Variants in ARMC5 observed in about 807,000 individuals in gnomAD.
ARMC5 encodes the protein armadillo repeat-containing protein 5.
Under a neutral mutation model 60.5 loss-of-function variants are expected in ARMC5, and 28 were observed. The ratio of observed to expected loss-of-function variants is 0.46; its 90% CI spans 0.34 to 0.63. The LOEUF (loss-of-function observed/expected upper bound fraction) is 0.63. ARMC5 is among the 30% of genes least tolerant of loss of function. The pLI is 0.01. For synonymous variants in ARMC5, 680 were observed against 607.3 expected (o/e 1.12, Z -1.76); for missense variants, 1,189 against 1,304.9 (o/e 0.91, Z 1.37).
intron 4 of ARMC5, chr16:31,465,606 C>T (rs2082349513): frequency 1.5e-5 from 21 of 1,394,584 alleles, no homozygotes; most frequent in East Asian, 2.7e-5. Context: ...TCTCTTGCCT[C>T]GGCGCCTGGG....
At position 31,462,463 on chromosome 16, in the gene ARMC5, G is replaced by A. The variant is rs747989024; in HGVS notation, c.916G>A (p.Ala306Thr). 119 of 1,612,234 alleles carry A rather than the reference G, an allele frequency of 7.4e-5. 1 individual carries two copies. Among genetic ancestry groups the A allele is most frequent in the Admixed American group, 1.3e-4 (8 of 59,994 alleles). ...ACGCGAGGGAACCATTCTGATCCTC[G>A]CCAACCTGTGTGCCCAGGGCCTGAT... is the stretch of plus-strand genomic sequence containing the variant. ...AVREGTILIL[A>T]NLCAQGLIRP... Residue 306 changes from alanine to threonine, a missense_variant, in exon 3 of 6, where the codon GCC becomes ACC. Physicochemically the swap from Ala to Thr is moderately conservative, Grantham distance 58. Coordinates refer to ENST00000268314, the MANE Select transcript of ARMC5 (RefSeq NM_001105247.2). This position sits in a 1 kb window ranked among gnomAD's most constrained non-coding sequence, Gnocchi z 7.2.
Position 31,459,566 on chromosome 16 carries a change from C to G in ARMC5, c.42C>G (p.Phe14Leu). 6.2e-7 allele frequency: 1 copy of G among 1,605,592 alleles called. No homozygotes were observed. Among genetic ancestry groups the G allele is most frequent in the Non-Finnish European group, 8.5e-7 (1 of 1,179,392 alleles). ...AKPTLTDSLSFCLAQLAAAAG... is the reference protein window; with the variant it reads ...AKPTLTDSLSLCLAQLAAAAG... The stretch of plus-strand genomic sequence containing the variant: ...CAACCCTCACGGACTCGCTCTCGTT[C>G]TGCCTCGCGCAGCTCGCGGCGGCGG... Residue 14 changes from phenylalanine (F) to leucine (L), a missense_variant, in exon 1 of 6, where the codon TTC (phenylalanine) becomes TTG (leucine). This residue lies in a region of ARMC5 where 327 missense variants were observed against 233.7 expected (regional missense o/e 1.40). Transcript: ENST00000268314.
Position 31,464,324 on chromosome 16 carries a change from C to CA in ARMC5, c.1371-69dup. 2.4e-6 allele frequency: 2 copies of CA among 836,344 alleles called. No homozygotes were observed. Among genetic ancestry groups the CA allele is most frequent in the Non-Finnish European group, 3.5e-6 (2 of 569,202 alleles). 51.8% of individuals were successfully genotyped at this position (836,344 alleles called of 1,614,324 possible). On this transcript the variant is annotated intron_variant, in intron 3 of 5. Transcript: ENST00000268314. The surrounding 1 kb of genome is among the most constrained non-coding windows in gnomAD (Gnocchi z 7.6). ...AAAAAAAAAAAAAAAAAAGACGCCT[C>CA]ACGCCTCTTGGACTCTGCCCCTTAA...
In ARMC5 at chr16:31,462,472, T is replaced by C; in HGVS notation, c.925T>C (p.Cys309Arg). 6.2e-7 allele frequency: 1 copy of C among 1,612,498 alleles called. No individual in the cohort carries two copies. Among genetic ancestry groups the C allele is most frequent in the Non-Finnish European group, 8.5e-7 (1 of 1,179,700 alleles). Residue 309 changes from cysteine to arginine, a missense_variant, in exon 3 of 6, where the codon TGT (cysteine) becomes CGT (arginine). By Grantham distance (180) the Cys-to-Arg change is radical (BLOSUM62 -3). Transcript: ENST00000268314. The surrounding 1 kb of genome is among the most constrained non-coding windows in gnomAD (Gnocchi z 7.2). ...EGTILILANLCAQGLIRPALG... is the reference protein window; with the variant it reads ...EGTILILANLRAQGLIRPALG... ...AACCATTCTGATCCTCGCCAACCTG[T>C]GTGCCCAGGGCCTGATTCGGCCTGC...
chr16:31,459,740 G>C lies in ARMC5; in HGVS notation c.216G>C (p.Ala72=). Residue 72 remains alanine (A), a synonymous_variant, in exon 1 of 6, where the codon GCG becomes GCC. Transcript: ENST00000268314. ...RARGGLRPLL[A]LLRRAAAAGS... is the part of the protein sequence containing the mutation. ...GCGGCGGGCTCCGCCCCCTACTCGC[G>C]CTGCTACGGCGAGCGGCTGCAGCGG... The C allele has an allele frequency of 6.5e-7, 1 of 1,544,988 alleles. No homozygotes were observed. Among genetic ancestry groups the C allele is most frequent in the Non-Finnish European group, 8.6e-7 (1 of 1,156,646 alleles).
At chr16:31,458,434 G>C (rs1355504847), upstream of ARMC5, 3 of 1,535,754 alleles carry the variant, frequency 2.0e-6, no homozygotes, top group East Asian at 2.4e-5. Flanking sequence ...CTTTTCACCG[G>C]TGTGTACCCA....
At chr16:31,458,531 G>T, upstream of ARMC5, 1 of 1,531,064 alleles carries the variant, frequency 6.5e-7, no homozygotes. Context: ...GGGCTGCCTT[G>T]GTGGTGAATG....
rs373916412 is a variant in ARMC5 at position 31,461,807 on chromosome 16, C to T, written c.476-115C>T. The T allele has an allele frequency of 9.3e-5, 83 of 893,208 alleles. 1 individual carries two copies. Among genetic ancestry groups the T allele is most frequent in the South Asian group, 7.3e-4 (48 of 66,202 alleles). 55.3% of individuals were successfully genotyped at this position (893,208 alleles called of 1,614,324 possible). On this transcript the variant is annotated intron_variant, in intron 1 of 5. Coordinates refer to ENST00000268314, the MANE Select transcript of ARMC5 (RefSeq NM_001105247.2). ...ACAGGCTTGAGCCACGGTGCCCTGC[C>T]GACCATTAGCCTCTTCTGAAAGCCT...
upstream of ARMC5, chr16:31,458,901 G>T: frequency 6.5e-7 from 1 of 1,535,654 alleles, no homozygotes. Context: ...AGGACACTCG[G>T]GACACCGGGG....
chr16:31,458,321 G>C, upstream of ARMC5: 1 of 1,338,188 alleles, frequency 7.5e-7, no homozygotes. Context: ...AGCGGTGTGA[G>C]CGCGCTGGTG....
chr16:31,462,269 C>T lies in ARMC5; in HGVS notation c.722C>T (p.Pro241Leu), dbSNP rs771976948. 9 of 1,609,496 alleles carry T rather than the reference C, an allele frequency of 5.6e-6. No individual in the cohort carries two copies. The highest frequency in any genetic ancestry group is 2.2e-5 in the East Asian group (1 of 44,856). ...LALAQQGAVR[P>L]LAELLATAPD... is the part of the protein sequence containing the mutation. ...TTGGCACAGCAGGGAGCAGTGCGTC[C>T]GCTGGCCGAGCTCCTGGCCACTGCC... The change falls in exon 3 of 6, where the codon CCG becomes CTG. Residue 241 changes from proline (P) to leucine (L), a missense_variant. Physicochemically the swap from Pro to Leu is moderately conservative, Grantham distance 98 (BLOSUM62 -3). Coordinates refer to ENST00000268314, the MANE Select transcript of ARMC5 (RefSeq NM_001105247.2). This position sits in a 1 kb window ranked among gnomAD's most constrained non-coding sequence, Gnocchi z 7.2.
Position 31,460,017 on chromosome 16 carries a change from G to A in ARMC5, c.475+18G>A, listed in dbSNP as rs1469896861. 1.3e-6 allele frequency: 2 copies of A among 1,592,156 alleles called. No homozygotes were observed. Among genetic ancestry groups the A allele is most frequent in the African/African-American group, 1.3e-5 (1 of 74,074 alleles). ...CCCTTTGGGTAAGTGCTCCGCCCCCGTTTCCTAGAAAGATTAGGTTTGCAA... is the reference window on the plus strand; with the variant it reads ...CCCTTTGGGTAAGTGCTCCGCCCCCATTTCCTAGAAAGATTAGGTTTGCAA... On this transcript the variant is annotated intron_variant, in intron 1 of 5. Coordinates refer to ENST00000268314, the MANE Select transcript of ARMC5 (RefSeq NM_001105247.2).
Position 31,462,578 on chromosome 16 carries a change from C to T in ARMC5, c.1031C>T (p.Ser344Phe), listed in dbSNP as rs541189681. Reference protein sequence around the residue: ...RRDPNGASPTSQQPLVRAVCL... With the variant: ...RRDPNGASPTFQQPLVRAVCL... The stretch of plus-strand genomic sequence containing the variant: ...GATCCTAATGGAGCTAGCCCAACCT[C>T]CCAGCAGCCCCTGGTGCGGGCTGTG... Residue 344 changes from serine (S) to phenylalanine (F), a missense_variant, in exon 3 of 6, where the codon TCC (serine) becomes TTC (phenylalanine). Ser to Phe is a radical substitution (Grantham distance 155). This residue lies in a region of ARMC5 where 862 missense variants were observed against 1,071.2 expected (regional missense o/e 0.80). Coordinates refer to ENST00000268314, the MANE Select transcript of ARMC5 (RefSeq NM_001105247.2). The surrounding 1 kb of genome is among the most constrained non-coding windows in gnomAD (Gnocchi z 7.2). 1.5e-5 allele frequency: 24 copies of T among 1,612,462 alleles called. No individual in the cohort carries two copies. The African/African-American group carries it at 2.9e-4, about 20-fold the overall frequency.
At chr16:31,459,321 C>T, upstream of ARMC5, 1 of 1,535,112 alleles carries the variant, frequency 6.5e-7, no homozygotes, top group Non-Finnish European at 8.7e-7. Flanking sequence ...CCGCACGTCC[C>T]AGGATGCGCT....
Position 31,466,567 on chromosome 16 carries a change from G to T in ARMC5, c.2486G>T (p.Gly829Val). 6.2e-7 allele frequency: 1 copy of T among 1,609,172 alleles called. No individual in the cohort carries two copies. Among genetic ancestry groups the T allele is most frequent in the Non-Finnish European group, 8.5e-7 (1 of 1,179,362 alleles). ...PVPPPGQPLL[G>V]SEAEEALEAA... is the part of the protein sequence containing the mutation. ...CCCCCACCAGGCCAGCCCCTGCTGG[G>T]TTCAGAGGCCGAGGAGGCACTGGAG... The change falls in exon 6 of 6, where the codon GGT (glycine) becomes GTT (valine). Residue 829 changes from glycine to valine, a missense_variant. Gly to Val is a moderately radical substitution (Grantham distance 109, BLOSUM62 -3). This residue lies in a region of ARMC5 where 862 missense variants were observed against 1,071.2 expected (regional missense o/e 0.80). Transcript: ENST00000268314. This position sits in a 1 kb window ranked among gnomAD's most constrained non-coding sequence, Gnocchi z 8.0.
chr16:31,458,976 G>T (rs1285732580), upstream of ARMC5: 1 of 1,535,584 alleles, frequency 6.5e-7, no homozygotes, highest in South Asian at 1.2e-5. Flanking sequence ...GAACGTTCTC[G>T]GTAGGTTTAA....
Position 31,462,616 on chromosome 16 carries a change from C to CG in ARMC5, c.1070dup (p.Glu358Ter), listed in dbSNP as rs1567375764. 1 of 1,613,518 alleles carries CG rather than the reference C, an allele frequency of 6.2e-7. No homozygotes were observed. The highest frequency in any genetic ancestry group is 1.7e-4 in the Middle Eastern group (1 of 5,924). ...GGTGCGGGCTGTGTGCCTCCTATGT[C>CG]GTGAGGCCATCAACCGGGCCCGACT... On this transcript the variant is annotated frameshift_variant, in exon 3 of 6. Transcript: ENST00000268314. LOFTEE classifies it high-confidence loss of function. The surrounding 1 kb of genome is among the most constrained non-coding windows in gnomAD (Gnocchi z 7.2).
chr16:31,462,176 C>G lies in ARMC5; in HGVS notation c.629C>G (p.Ser210Trp). 1 of 1,612,800 alleles carries G rather than the reference C, an allele frequency of 6.2e-7. No individual in the cohort carries two copies. The highest frequency in any genetic ancestry group is 8.5e-7 in the Non-Finnish European group (1 of 1,179,930). Residue 210 changes from serine to tryptophan, a missense_variant, in exon 3 of 6, where the codon TCG becomes TGG. Physicochemically the swap from Ser to Trp is radical, Grantham distance 177. This residue lies in a region of ARMC5 where 862 missense variants were observed against 1,071.2 expected (regional missense o/e 0.80). Transcript: ENST00000268314. This position sits in a 1 kb window ranked among gnomAD's most constrained non-coding sequence, Gnocchi z 7.2. ...LVESLTACQD[S>W]QCLQSVVRAL... ...GAGAGCCTGACAGCCTGCCAGGACT[C>G]GCAGTGCCTACAGAGCGTGGTGCGT...
intron 1 of ARMC5, 187 bp downstream of exon 1, chr16:31,460,186 C>T (rs1289622410): frequency 5.2e-6 from 3 of 578,650 alleles, no homozygotes; most frequent in Non-Finnish European, 8.6e-6. Flanking sequence ...GAGAGAGAGC[C>T]CTCCCAGACC....
Sources: gnomAD v4.1 joint callset for allele counts on GRCh38, gnomAD v4.1.1 for gene constraint, gnomAD v4.1.1 regional missense constraint, Gnocchi (gnomAD v3.1) non-coding constraint, MANE v1.5 for transcripts, NCBI Gene and HGNC (gene_info 2026-07-23, HGNC 2026-07-21) for gene names.